PYROXD2: variants seen among roughly 807,000 people sequenced by gnomAD.
The protein encoded by PYROXD2 is pyridine nucleotide-disulphide oxidoreductase domain 2.
A neutral mutation model predicts 71.1 loss-of-function variants in PYROXD2; 69 were observed. The ratio of observed to expected loss-of-function variants is 0.97; its 90% CI spans 0.80 to 1.19. PYROXD2 has a LOEUF of 1.19. Among genes scored for constraint, PYROXD2 ranks in the 50% most tolerant of loss-of-function variants. The pLI, the probability that PYROXD2 is intolerant of heterozygous loss-of-function variation, is 0.00. For synonymous variants in PYROXD2, 287 were observed against 302.7 expected (o/e 0.95, Z 0.54); for missense variants, 745 against 748.9 (o/e 0.99, Z 0.06).
At chr10:98,385,291 G>A (rs770545326) in intron 14 of PYROXD2, among the ~76,000 whole-genome samples, 1 of 152,358 alleles carries the variant, frequency 6.6e-6, no homozygotes, top group East Asian at 1.9e-4. Flanking sequence ...AAAGCAGGGT[G>A]GGGAACACGA....
chr10:98,400,416 G>A (rs779303819), intron 4 of PYROXD2, among the ~76,000 whole-genome samples, 159 bp from the exon 5 acceptor site: 35 of 151,930 alleles, frequency 2.3e-4, no homozygotes, highest in Non-Finnish European at 4.3e-4. Context: ...TTTATAAAAA[G>A]CCCTCTTGCC....
At chr10:98,392,602 G>A (rs751909568) in intron 9 of PYROXD2, 36 bp from the exon 10 acceptor site, 2 of 1,604,818 alleles carry the variant, frequency 1.2e-6, no homozygotes, top group Non-Finnish European at 1.7e-6. Context: ...AGAAACCGCA[G>A]GAAGGGAAAT....
At chr10:98,392,258 C>A (rs1478363971) in intron 10 of PYROXD2, among the ~76,000 whole-genome samples, 174 bp downstream of exon 10, 1 of 152,202 alleles carries the variant, frequency 6.6e-6, no homozygotes, top group African/African-American at 2.4e-5. Context: ...CTTCTCCCCA[C>A]CTGTGAGGCT....
At chr10:98,388,559 G>A in intron 12 of PYROXD2, 51 bp from the exon 13 acceptor site, 2 of 1,462,526 alleles carry the variant, frequency 1.4e-6, no homozygotes, top group Non-Finnish European at 1.8e-6. Flanking sequence ...AGTGCGGAGG[G>A]TAGGGCATCC....
intron 4 of PYROXD2, among the ~76,000 whole-genome samples, chr10:98,406,700 C>T (rs750360112): frequency 5.3e-5 from 8 of 151,938 alleles, no homozygotes; most frequent in Admixed American, 3.9e-4. Flanking sequence ...AAGACCATCC[C>T]GGCTAACACG....
chr10:98,390,839 CG>C, intron 11 of PYROXD2, 85 bp from the exon 12 acceptor site: 2 of 1,498,692 alleles, frequency 1.3e-6, no homozygotes, highest in Non-Finnish European at 1.8e-6. Flanking sequence ...CAGTGGCGGA[CG>C]GGAGTAGGAA....
intron 15 of PYROXD2, among the ~76,000 whole-genome samples, chr10:98,384,738 A>G (rs191725004): frequency 6.6e-6 from 1 of 152,332 alleles, no homozygotes; most frequent in East Asian, 1.9e-4. Context: ...TGTGAGCTCA[A>G]CTGTGGGCTG....
chr10:98,406,805 T>C (rs1029041078), intron 4 of PYROXD2, among the ~76,000 whole-genome samples: 2 of 142,750 alleles, frequency 1.4e-5, no homozygotes, highest in African/African-American at 5.3e-5. Context: ...GGCAGGAGAA[T>C]GGCATGAACC....
At chr10:98,405,752 C>T (rs1418457887) in intron 4 of PYROXD2, among the ~76,000 whole-genome samples, 7 of 152,326 alleles carry the variant, frequency 4.6e-5, no homozygotes, top group East Asian at 3.9e-4. Flanking sequence ...GAGCCAGAGA[C>T]GTGTGAGTCT....
chr10:98,391,193 C>T, intron 10 of PYROXD2, 111 bp from the exon 11 acceptor site: 1 of 763,088 alleles, frequency 1.3e-6, no homozygotes, highest in Admixed American at 2.0e-5. Flanking sequence ...AAATCCTCTT[C>T]ATCCTTCAAA....
chr10:98,384,822 T>C (rs1842698245), intron 15 of PYROXD2, 125 bp downstream of exon 15: 2 of 1,345,010 alleles, frequency 1.5e-6, no homozygotes, highest in East Asian at 2.6e-5. Context: ...GCAGCTTATG[T>C]TGGGAGTTCC....
intron 8 of PYROXD2, among the ~76,000 whole-genome samples, chr10:98,393,762 T>C (rs552570691): frequency 6.6e-6 from 1 of 152,190 alleles, no homozygotes; most frequent in African/African-American, 2.4e-5. Context: ...CTTATCACCA[T>C]TCCAAGCCTC....
At position 98,390,595 on chromosome 10, in the gene PYROXD2, T is replaced by C. The variant is rs778685880; in HGVS notation, c.1292+3A>G. On this transcript the variant is annotated splice_donor_region_variant and intron_variant, in intron 12 of 15. Coordinates refer to ENST00000370575, the MANE Select transcript of PYROXD2 (RefSeq NM_032709.3). ...CAGGGAACATAAAGTCCAGGGCCCC[T>C]ACCTGTGGGAAGGCAGGCCATCCAT... The C allele has an allele frequency of 3.2e-6, 5 of 1,585,802 alleles. No homozygotes were observed. Among genetic ancestry groups the C allele is most frequent in the Admixed American group, 1.8e-5 (1 of 56,564 alleles).
intron 1 of PYROXD2, chr10:98,414,220 T>C (rs1843889001): frequency 6.6e-6 from 1 of 152,110 alleles, no homozygotes; most frequent in African/African-American, 2.4e-5. Context: ...CAAAGCTGCA[T>C]GTTGAGTGCC....
intron 1 of PYROXD2, among the ~76,000 whole-genome samples, chr10:98,412,283 C>T (rs1157570967): frequency 6.6e-6 from 1 of 152,244 alleles, no homozygotes; most frequent in African/African-American, 2.4e-5. Context: ...CAGTGACCAC[C>T]CTCAAGTCCT....
At chr10:98,393,589 G>A (rs2056219948) in intron 8 of PYROXD2, among the ~76,000 whole-genome samples, 1 of 152,078 alleles carries the variant, frequency 6.6e-6, no homozygotes, top group African/African-American at 2.4e-5. Context: ...AGCCTCCAAA[G>A]GGCTTTCAAG....
chr10:98,397,023 C>A (rs2135972689), intron 6 of PYROXD2, among the ~76,000 whole-genome samples: 1 of 152,332 alleles, frequency 6.6e-6, no homozygotes, highest in South Asian at 2.1e-4. Flanking sequence ...ACAGTGCTGG[C>A]TAGTGCGATC....
intron 11 of PYROXD2, 90 bp from the exon 12 acceptor site, chr10:98,390,844 G>A: frequency 2.0e-6 from 3 of 1,491,394 alleles, no homozygotes; most frequent in Non-Finnish European, 1.8e-6. Context: ...GCGGACGGGA[G>A]TAGGAAAGTA....
At chr10:98,398,468 C>A (rs1843276092) in intron 5 of PYROXD2, among the ~76,000 whole-genome samples, 1 of 152,284 alleles carries the variant, frequency 6.6e-6, no homozygotes, top group Non-Finnish European at 1.5e-5. Context: ...TCCATCTCTA[C>A]CCATGGATAT....
Sources: gnomAD v4.1 joint callset for allele counts (sites outside exome capture counted in the v4.1 genomes callset) on GRCh38, gnomAD v4.1.1 for gene constraint, MANE v1.5 for transcripts, NCBI Gene and HGNC (gene_info 2026-07-23, HGNC 2026-07-21) for gene names.